CACNA1E: variants seen among roughly 807,000 people sequenced by gnomAD.
CACNA1E encodes calcium voltage-gated channel subunit alpha1 E, also known as voltage-dependent R-type calcium channel subunit alpha-1E.
Under a neutral mutation model 259.2 loss-of-function variants are expected in CACNA1E, and 40 were observed. The ratio of observed to expected loss-of-function variants is 0.15; its 90% CI spans 0.12 to 0.20. The LOEUF is 0.20. Ranked by LOEUF, CACNA1E falls within the 10% of genes least tolerant of loss-of-function variation. The pLI is 1.00. For missense variants in CACNA1E, 1,874 were observed against 3,040.1 expected (o/e 0.62, Z 9.02); for synonymous variants, 1,104 against 1,138.5 (o/e 0.97, Z 0.61).
chr1:181,783,656 T>C, intron 39 of CACNA1E, 23 bp from the exon 40 acceptor site: 1 of 1,402,998 alleles, frequency 7.1e-7, no homozygotes, highest in Non-Finnish European at 9.9e-7. Flanking sequence ...TTGCCTGCTG[T>C]TTCTTTTTTC....
chr1:181,346,802 C>T (rs891785641), intron 1 of CACNA1E, among the ~76,000 whole-genome samples: 7 of 152,150 alleles, frequency 4.6e-5, no homozygotes, highest in Admixed American at 1.3e-4. Context: ...TCAAGCCTCC[C>T]TGGGTTGCCT....
intron 27 of CACNA1E, among the ~76,000 whole-genome samples, chr1:181,754,884 A>G (rs1172000049): frequency 6.6e-6 from 1 of 152,258 alleles, no homozygotes; most frequent in African/African-American, 2.4e-5. Context: ...AATGATCTCA[A>G]ATATTCCTTC....
chr1:181,391,327 G>C (rs556604055), intron 1 of CACNA1E, among the ~76,000 whole-genome samples: 1 of 152,304 alleles, frequency 6.6e-6, no homozygotes, highest in South Asian at 2.1e-4. Context: ...TATTAGTCGG[G>C]ATCCAGCTGT....
At chr1:181,594,932 A>G (rs1208320406) in intron 6 of CACNA1E, among the ~76,000 whole-genome samples, 1 of 152,236 alleles carries the variant, frequency 6.6e-6, no homozygotes, top group African/African-American at 2.4e-5. Context: ...ATGAACATTC[A>G]TGTTAGGAAG....
At chr1:181,410,233 AG>A (rs1657749033) in intron 1 of CACNA1E, among the ~76,000 whole-genome samples, 2 of 152,218 alleles carry the variant, frequency 1.3e-5, no homozygotes, top group South Asian at 4.1e-4. Context: ...TGACAACGTG[AG>A]GAACGTGAAT....
At chr1:181,603,402 A>G (rs1192499294) in intron 6 of CACNA1E, among the ~76,000 whole-genome samples, 1 of 152,086 alleles carries the variant, frequency 6.6e-6, no homozygotes, top group East Asian at 1.9e-4. Context: ...GCCATTTAGG[A>G]TGATACACTG....
intron 43 of CACNA1E, among the ~76,000 whole-genome samples, chr1:181,786,324 T>C (rs1216656499): frequency 6.6e-6 from 1 of 152,158 alleles, no homozygotes; most frequent in Non-Finnish European, 1.5e-5. Context: ...TACTATACCC[T>C]GGAGGTATAT....
chr1:181,786,019 T>G (rs990504535), intron 43 of CACNA1E, among the ~76,000 whole-genome samples, 200 bp downstream of exon 43: 8 of 152,230 alleles, frequency 5.3e-5, no homozygotes, highest in African/African-American at 1.9e-4. Context: ...CTTAGCACTG[T>G]GGTCAACGTC....
intron 25 of CACNA1E, among the ~76,000 whole-genome samples, chr1:181,744,682 T>C (rs1208217171): frequency 1.3e-5 from 2 of 152,160 alleles, no homozygotes; most frequent in Non-Finnish European, 2.9e-5. Context: ...AGAACTTCCC[T>C]CTTTTCAAAC....
chr1:181,341,109 G>T (rs1302843007), intron 1 of CACNA1E, among the ~76,000 whole-genome samples: 1 of 152,102 alleles, frequency 6.6e-6, no homozygotes, highest in Non-Finnish European at 1.5e-5. Flanking sequence ...GCGTCCTGAT[G>T]GTGGTCCTGC....
At chr1:181,763,249 G>A (rs1319270968) in intron 33 of CACNA1E, among the ~76,000 whole-genome samples, 157 bp from the exon 34 acceptor site, 4 of 152,146 alleles carry the variant, frequency 2.6e-5, no homozygotes, top group African/African-American at 4.8e-5. Context: ...TAGGAGATGG[G>A]CCTCACTGGC....
At chr1:181,579,702 C>T (rs1232847230) in intron 5 of CACNA1E, among the ~76,000 whole-genome samples, 1 of 152,186 alleles carries the variant, frequency 6.6e-6, no homozygotes, top group Non-Finnish European at 1.5e-5. Flanking sequence ...CCCCTTTACT[C>T]TTTGTACAGC....
chr1:181,489,436 A>G (rs1339804370), intron 1 of CACNA1E, among the ~76,000 whole-genome samples: 2 of 152,240 alleles, frequency 1.3e-5, no homozygotes, highest in Non-Finnish European at 2.9e-5. Context: ...CAGAGGACCA[A>G]CTTCAGGAAT....
intron 7 of CACNA1E, among the ~76,000 whole-genome samples, chr1:181,682,431 G>A (rs926343495): frequency 6.6e-5 from 10 of 152,228 alleles, no homozygotes; most frequent in East Asian, 1.9e-4. Context: ...AGACATTCCC[G>A]CCAAGCTGGT....
At chr1:181,348,316 A>G (rs1430630869) in intron 1 of CACNA1E, among the ~76,000 whole-genome samples, 1 of 151,882 alleles carries the variant, frequency 6.6e-6, no homozygotes, top group Non-Finnish European at 1.5e-5. Context: ...GTATCAAACC[A>G]GGTCGCATCT....
At chr1:181,384,362 G>T (rs972128134) in intron 1 of CACNA1E, among the ~76,000 whole-genome samples, 6 of 152,280 alleles carry the variant, frequency 3.9e-5, no homozygotes, top group African/African-American at 1.4e-4. Context: ...CAATTATCCA[G>T]TGTCATTCTT....
chr1:181,545,424 G>A (rs551923406), intron 3 of CACNA1E, among the ~76,000 whole-genome samples: 1 of 152,342 alleles, frequency 6.6e-6, no homozygotes, highest in East Asian at 1.9e-4. Context: ...CACTGAGGCA[G>A]GGAAGACAGT....
chr1:181,346,405 A>G (rs1404181397), intron 1 of CACNA1E, among the ~76,000 whole-genome samples: 1 of 152,200 alleles, frequency 6.6e-6, no homozygotes, highest in African/African-American at 2.4e-5. Flanking sequence ...CTACAGAAGG[A>G]TAGGGATTTT....
At position 181,711,083 on chromosome 1, in the gene CACNA1E, G is replaced by C. The variant is rs1653306801; in HGVS notation, c.1171+14G>C. 6.4e-7 allele frequency: 1 copy of C among 1,561,236 alleles called. No homozygotes were observed. Among genetic ancestry groups the C allele is most frequent in the Admixed American group, 1.7e-5 (1 of 59,954 alleles). ...TAGACAAAGCAGGTAGGCCTGGGGG[G>C]CTGCAGGAGGCTGGTGAGTGGGCTG... On this transcript the variant is annotated intron_variant, in intron 8 of 47. Coordinates refer to ENST00000367573, the MANE Select transcript of CACNA1E (RefSeq NM_001205293.3).
Sources: gnomAD v4.1 joint callset for allele counts (sites outside exome capture counted in the v4.1 genomes callset) on GRCh38, gnomAD v4.1.1 for gene constraint, MANE v1.5 for transcripts, NCBI Gene and HGNC (gene_info 2026-07-23, HGNC 2026-07-21) for gene names.